BMP7: variants seen among roughly 807,000 people sequenced by gnomAD.
The protein encoded by BMP7 is osteogenic protein 1.
Under a neutral mutation model 41.2 loss-of-function variants are expected in BMP7, and 12 were observed. That is an observed-to-expected ratio of 0.29 (90% confidence interval 0.19 to 0.47). The LOEUF (loss-of-function observed/expected upper bound fraction) is 0.47, where lower values mean the gene tolerates loss of function less well. Ranked by LOEUF, BMP7 falls within the 20% of genes least tolerant of loss-of-function variation. BMP7 has a pLI of 0.99. For missense variants in BMP7, 467 were observed against 606.0 expected, an observed-to-expected ratio of 0.77 and a Z score of 2.41; for synonymous variants, 248 against 250.0, an observed-to-expected ratio of 0.99 and a Z score of 0.07.
At chr20:57,263,219 T>C (rs1281748119) in intron 1 of BMP7, among the ~76,000 whole-genome samples, 2 of 152,180 alleles carry the variant, frequency 1.3e-5, no homozygotes, top group African/African-American at 4.8e-5. Context: ...CCCAGAAAGC[T>C]AGACCTGAGA....
chr20:57,184,028 C>A (rs1984153603), intron 3 of BMP7, 109 bp from the exon 4 acceptor site: 2 of 1,252,932 alleles, frequency 1.6e-6, no homozygotes, highest in South Asian at 1.3e-5. Flanking sequence ...ACTCCTTATT[C>A]CTCCATCCAG....
intron 3 of BMP7, among the ~76,000 whole-genome samples, chr20:57,201,309 C>T (rs773210874): frequency 6.6e-6 from 1 of 152,208 alleles, no homozygotes; most frequent in Admixed American, 6.5e-5. Flanking sequence ...AATTGTCCAA[C>T]GTCACACAGT....
chr20:57,194,236 A>C (rs191367591), intron 3 of BMP7, among the ~76,000 whole-genome samples: 113 of 152,266 alleles, frequency 7.4e-4, no homozygotes, highest in African/African-American at 2.6e-3. Context: ...AAATGTCAAC[A>C]CTGTCAAGAT....
At position 57,169,673 on chromosome 20, in the gene BMP7, C is replaced by T. The variant is rs925069409; in HGVS notation, c.*1286G>A. ...AGGGCCCAGCCTTGGAATGCCACTG[C>T]AGACAAAGACCAGAGGGTCCACTGG... On this transcript the variant is annotated 3_prime_UTR_variant, in exon 7 of 7. Transcript: ENST00000395863. The T allele has an allele frequency of 6.6e-6, 1 of 152,212 alleles. No homozygotes were observed. The highest frequency in any genetic ancestry group is 2.4e-5 in the African/African-American group (1 of 41,452). 9.4% of individuals were successfully genotyped at this position (152,212 alleles called of 1,614,324 possible). A position where few individuals can be genotyped will look rare whatever the true frequency, so the allele number is the denominator to read the frequency against.
intron 1 of BMP7, among the ~76,000 whole-genome samples, chr20:57,231,280 G>C (rs1568723839): frequency 6.6e-6 from 1 of 152,214 alleles, no homozygotes; most frequent in Non-Finnish European, 1.5e-5. Context: ...CGTTGTATTA[G>C]ACCGCAATCC....
At chr20:57,260,104 G>A (rs1037057471) in intron 1 of BMP7, among the ~76,000 whole-genome samples, 5 of 152,112 alleles carry the variant, frequency 3.3e-5, no homozygotes, top group African/African-American at 9.7e-5. Context: ...AGCATGTGAA[G>A]CTCTGGAATA....
chr20:57,244,437 C>T (rs1053729899), intron 1 of BMP7, among the ~76,000 whole-genome samples: 5 of 152,190 alleles, frequency 3.3e-5, no homozygotes, highest in Non-Finnish European at 7.3e-5. Flanking sequence ...AAACTCTCCC[C>T]GTGAGCAAAT....
intron 4 of BMP7, among the ~76,000 whole-genome samples, chr20:57,179,587 T>C (rs1341922821): frequency 6.6e-5 from 10 of 152,282 alleles, no homozygotes; most frequent in African/African-American, 1.7e-4. Context: ...TGCCGGAGCA[T>C]GTGCCCCCGC....
intron 1 of BMP7, among the ~76,000 whole-genome samples, chr20:57,255,202 G>A (rs1056604483): frequency 6.6e-6 from 1 of 152,166 alleles, no homozygotes; most frequent in Non-Finnish European, 1.5e-5. Flanking sequence ...GAAAGAATGG[G>A]CAGCTCTGCA....
intron 2 of BMP7, among the ~76,000 whole-genome samples, chr20:57,211,740 A>T (rs1600625633): frequency 6.6e-6 from 1 of 152,134 alleles, no homozygotes; most frequent in African/African-American, 2.4e-5. Context: ...TGCGGCTGGG[A>T]ACCTTGAGCC....
chr20:57,199,234 A>G (rs1392440064), intron 3 of BMP7, among the ~76,000 whole-genome samples: 1 of 152,152 alleles, frequency 6.6e-6, no homozygotes, highest in Admixed American at 6.5e-5. Flanking sequence ...AGGATCTGGC[A>G]GGGGAGGGTT....
chr20:57,189,499 C>A (rs758973858), intron 3 of BMP7, among the ~76,000 whole-genome samples: 1 of 152,244 alleles, frequency 6.6e-6, no homozygotes, highest in South Asian at 2.1e-4. Context: ...GAGGCTGGCC[C>A]CATCGCACAC....
In BMP7 at chr20:57,234,772, CT is replaced by C. The variant is rs760779919; in HGVS notation, c.419-6352del. Among the ~76,000 whole-genome samples, 319 of 152,374 alleles carry C rather than the reference CT, an allele frequency of 2.1e-3. 1 individual carries two copies. Among genetic ancestry groups the C allele is most frequent in the Middle Eastern group, 3.4e-3 (1 of 294 alleles). On this transcript the variant is annotated intron_variant, in intron 1 of 6. Transcript: ENST00000395863. ...AGCTCTGTAAGAACAGGGCCCATGA[CT>C]GTCTCAGCTCTGGATCGCATGCCCT...
At position 57,171,244 on chromosome 20, in the gene BMP7, CCT is replaced by C; in HGVS notation, c.1147-138_1147-137del. On this transcript the variant is annotated intron_variant, in intron 6 of 6. Transcript: ENST00000395863. This position sits in a 1 kb window ranked among gnomAD's most constrained non-coding sequence, Gnocchi z 4.5. ...GTGACACTCCCCAAGCCAAGCACTC[CCT>C]GTTCTAAGCACTTTACATGGACAAC... 1 of 1,277,550 alleles carries C rather than the reference CCT, an allele frequency of 7.8e-7. No individual in the cohort carries two copies. The highest frequency in any genetic ancestry group is 1.1e-6 in the Non-Finnish European group (1 of 899,180). The allele number at this position is 1,277,550 out of a possible 1,614,324, so 79.1% of individuals were successfully genotyped here. A position where few individuals can be genotyped will look rare whatever the true frequency, so the allele number is the denominator to read the frequency against.
chr20:57,205,872 G>A (rs1984717851), intron 2 of BMP7, among the ~76,000 whole-genome samples: 1 of 152,162 alleles, frequency 6.6e-6, no homozygotes, highest in Non-Finnish European at 1.5e-5. Context: ...GTCATAGTTT[G>A]CAATTTGTCC....
intron 1 of BMP7, among the ~76,000 whole-genome samples, chr20:57,231,461 G>A (rs967861542): frequency 9.9e-5 from 15 of 152,218 alleles, no homozygotes; most frequent in Non-Finnish European, 1.8e-4. Context: ...CATCTGAGAG[G>A]TTTTCATGAG....
chr20:57,201,291 G>T (rs532844318), intron 3 of BMP7, among the ~76,000 whole-genome samples: 1 of 152,362 alleles, frequency 6.6e-6, no homozygotes, highest in African/African-American at 2.4e-5. Flanking sequence ...GCTCTGACAG[G>T]TTAGGGAAAT....
intron 1 of BMP7, among the ~76,000 whole-genome samples, chr20:57,255,940 A>C (rs1313081511): frequency 6.6e-6 from 1 of 152,198 alleles, no homozygotes; most frequent in Non-Finnish European, 1.5e-5. Context: ...AAACACCAGC[A>C]GTCACCTCAT....
intron 1 of BMP7, among the ~76,000 whole-genome samples, chr20:57,231,178 C>T (rs162314): frequency 0.67 from 102,098 of 152,180 alleles, 36,004 homozygotes; most frequent in African/African-American, 0.91. Flanking sequence ...TATCATCTTT[C>T]GTATCTGGCT....
Sources: gnomAD v4.1 joint callset for allele counts (sites outside exome capture counted in the v4.1 genomes callset) on GRCh38, gnomAD v4.1.1 for gene constraint, Gnocchi (gnomAD v3.1) non-coding constraint, MANE v1.5 for transcripts, NCBI Gene and HGNC (gene_info 2026-07-23, HGNC 2026-07-21) for gene names.